Variants in PFKFB3 observed in about 807,000 individuals in gnomAD.
The protein encoded by PFKFB3 is 6-phosphofructo-2-kinase/fructose-2,6-bisphosphatase 3.
PFKFB3 carries 33 observed loss-of-function variants against 68.0 expected under a neutral mutation model. That is an observed-to-expected ratio of 0.49 (90% CI 0.37 to 0.65). PFKFB3 has a LOEUF of 0.65. Among genes scored for constraint, PFKFB3 ranks in the 30% least tolerant of loss-of-function variants. The pLI, the probability that PFKFB3 is intolerant of heterozygous loss-of-function variation, is 0.00. For synonymous variants in PFKFB3, 315 were observed against 288.2 expected (o/e 1.09, Z -0.94); for missense variants, 586 against 712.2 (o/e 0.82, Z 2.02).
At position 6,232,905 on chromosome 10, in the gene PFKFB3, G is replaced by T. The variant is rs35413228; in HGVS notation, c.1526G>T (p.Gly509Val). ...PTQLPGQNMK[G>V]SRSSADSSRK... ...TTCTCCTGAAAACAGAACATGAAAG[G>T]CTCCCGGAGCAGCGCTGACTCCTCC... is the stretch of plus-strand genomic sequence containing the variant. Residue 509 changes from glycine to valine, a missense_variant, in exon 15 of 15, where the codon GGC (glycine) becomes GTC (valine). Gly to Val is a moderately radical substitution (Grantham distance 109). Coordinates refer to ENST00000379775, the MANE Select transcript of PFKFB3 (RefSeq NM_004566.4). 5.3e-5 allele frequency: 85 copies of T among 1,613,072 alleles called. No homozygotes were observed. The East Asian group carries it at 1.9e-3, about 36-fold the overall frequency.
chr10:6,203,139 C>G lies in PFKFB3; in HGVS notation c.-122C>G. Reference sequence around the variant, plus strand: ...ACGTTTCCCCTGGCAGCGCAGGAAACGCCCGGCCGCGCGCCGGCGCACGCC... The same window carrying G: ...ACGTTTCCCCTGGCAGCGCAGGAAAGGCCCGGCCGCGCGCCGGCGCACGCC... On this transcript the variant is annotated 5_prime_UTR_variant, in exon 1 of 15. Coordinates refer to ENST00000379775, the MANE Select transcript of PFKFB3 (RefSeq NM_004566.4). The G allele has an allele frequency of 2.0e-6, 3 of 1,493,782 alleles. No individual in the cohort carries two copies. The South Asian group carries it at 3.9e-5, about 19-fold the overall frequency. The allele number at this position is 1,493,782 out of a possible 1,614,324, so 92.5% of individuals were successfully genotyped here.
At chr10:6,200,393 G>A (rs1330312791), upstream of PFKFB3, among the ~76,000 whole-genome samples, 1 of 152,116 alleles carries the variant, frequency 6.6e-6, no homozygotes, top group Admixed American at 6.6e-5. Context: ...GGTGAAGATG[G>A]GGCATTAGCA....
chr10:6,176,980 G>A (rs759634059), intron 1 of PFKFB3, among the ~76,000 whole-genome samples: 2 of 152,230 alleles, frequency 1.3e-5, no homozygotes, highest in Non-Finnish European at 2.9e-5. Flanking sequence ...GCTCCAGGAT[G>A]TGGGTGGCAG....
chr10:6,320,625 A>C, the PFKFB3 span, among the ~76,000 whole-genome samples: 10 of 152,148 alleles, frequency 6.6e-5, no homozygotes, highest in South Asian at 2.1e-3. Context: ...AGGTCTCCCT[A>C]TGTTGCCCAG....
chr10:6,163,648 G>A (rs1377450013), intron 1 of PFKFB3, among the ~76,000 whole-genome samples: 1 of 152,036 alleles, frequency 6.6e-6, no homozygotes, highest in African/African-American at 2.4e-5. Flanking sequence ...AAGCCAGCTG[G>A]GTCCCGGGCC....
At chr10:6,207,281 T>A (rs1843847865) in intron 1 of PFKFB3, among the ~76,000 whole-genome samples, 2 of 152,016 alleles carry the variant, frequency 1.3e-5, no homozygotes, top group Non-Finnish European at 1.5e-5. Context: ...ACCAAAAAAA[T>A]ACGAAAACCA....
In PFKFB3 at chr10:6,232,921, T is replaced by C. The variant is rs749898309; in HGVS notation, c.1542T>C (p.Ala514=). 2.0e-5 allele frequency: 32 copies of C among 1,613,434 alleles called. No individual in the cohort carries two copies. The highest frequency in any genetic ancestry group is 3.3e-5 in the South Asian group (3 of 91,064). Residue 514 remains alanine (A), a synonymous_variant, in exon 15 of 15, where the codon GCT becomes GCC. Transcript: ENST00000379775. ...ACATGAAAGGCTCCCGGAGCAGCGC[T>C]GACTCCTCCAGGAAACACTGAGGCA... is the stretch of plus-strand genomic sequence containing the variant. ...GQNMKGSRSS[A]DSSRKH
chr10:6,203,225 GC>G lies in PFKFB3; in HGVS notation c.-32del. ...CTCTCCTGCCAGCGTCGGGATCTCG[GC>G]CCCGGGAGGCGGGCCGTCGGGCGCA... On this transcript the variant is annotated 5_prime_UTR_variant, in exon 1 of 15. Coordinates refer to ENST00000379775, the MANE Select transcript of PFKFB3 (RefSeq NM_004566.4). The G allele has an allele frequency of 6.2e-7, 1 of 1,600,234 alleles. No homozygotes were observed. The highest frequency in any genetic ancestry group is 1.1e-5 in the South Asian group (1 of 89,068).
chr10:6,229,080 CCTT>C lies in PFKFB3; in HGVS notation c.1515+2716_1515+2718del, dbSNP rs750703455. Reference sequence around the variant, plus strand: ...CCCGCCCCTTTATTTCCTGTTTGCTCCTTAAGTTACCTTAACTACTTTATGCAG... The same window carrying C: ...CCCGCCCCTTTATTTCCTGTTTGCTCAAGTTACCTTAACTACTTTATGCAG... On this transcript the variant is annotated intron_variant, in intron 14 of 14. Coordinates refer to ENST00000379775, the MANE Select transcript of PFKFB3 (RefSeq NM_004566.4). This position sits in a 1 kb window ranked among gnomAD's most constrained non-coding sequence, Gnocchi z 4.3. The C allele has an allele frequency of 1.7e-4, 88 of 527,790 alleles. No homozygotes were observed. The highest frequency in any genetic ancestry group is 1.8e-4 in the Admixed American group (9 of 50,706). The allele number at this position is 527,790 out of a possible 1,614,324, so 32.7% of individuals were successfully genotyped here.
In PFKFB3 at chr10:6,215,929, G is replaced by A. The variant is rs1042994536; in HGVS notation, c.300-196G>A. Among the ~76,000 whole-genome samples the A allele has an allele frequency of 6.6e-6, 1 of 152,190 alleles. No homozygotes were observed. Among genetic ancestry groups the A allele is most frequent in the Admixed American group, 6.5e-5 (1 of 15,290 alleles). ...CCGGTTTGAGCACCGCCTCCCGAGG[G>A]TTCCTGAGGCCACCCGTGTGGGGCC... On this transcript the variant is annotated intron_variant, in intron 3 of 14. Coordinates refer to ENST00000379775, the MANE Select transcript of PFKFB3 (RefSeq NM_004566.4). This position sits in a 1 kb window ranked among gnomAD's most constrained non-coding sequence, Gnocchi z 4.3.
chr10:6,201,702 G>A (rs543763562), upstream of PFKFB3, among the ~76,000 whole-genome samples: 61 of 152,276 alleles, frequency 4.0e-4, no homozygotes, highest in Non-Finnish European at 6.5e-4. This position sits in a 1 kb window ranked among gnomAD's most constrained non-coding sequence, Gnocchi z 4.1. Context: ...AGGTTTCAGC[G>A]AGCGCCGCCT....
At chr10:6,299,463 C>G in the PFKFB3 span, among the ~76,000 whole-genome samples, 4 of 152,176 alleles carry the variant, frequency 2.6e-5, no homozygotes, top group African/African-American at 9.7e-5. Flanking sequence ...TTGCAGGTAG[C>G]ATGGCTGAGT....
rs369059195 is a variant in PFKFB3, at chr10:6,216,091, C to T, written c.300-34C>T. 67 of 1,599,944 alleles carry T rather than the reference C, an allele frequency of 4.2e-5. 1 individual carries two copies. Among genetic ancestry groups the T allele is most frequent in the African/African-American group, 2.5e-4 (19 of 74,820 alleles). Reference sequence around the variant, plus strand: ...TGGGCTGCCCCAGCGGATGCACCGGCGCTGACATTCGGGCAATGTCTTGTG... The same window carrying T: ...TGGGCTGCCCCAGCGGATGCACCGGTGCTGACATTCGGGCAATGTCTTGTG... On this transcript the variant is annotated intron_variant, in intron 3 of 14. Coordinates refer to ENST00000379775, the MANE Select transcript of PFKFB3 (RefSeq NM_004566.4).
chr10:6,261,543 G>C, the PFKFB3 span, among the ~76,000 whole-genome samples: 1 of 152,222 alleles, frequency 6.6e-6, no homozygotes, highest in Non-Finnish European at 1.5e-5. Flanking sequence ...AGGAGAGTGG[G>C]AGGAGGGAAA....
At chr10:6,148,148 CTCCA>C (rs1233450347) in intron 1 of PFKFB3, among the ~76,000 whole-genome samples, 1 of 152,234 alleles carries the variant, frequency 6.6e-6, no homozygotes, top group Non-Finnish European at 1.5e-5. Flanking sequence ...CTCCTGTGCT[CTCCA>C]GCAAGTGCCA....
At chr10:6,236,065 C>T (rs1338477944), downstream of PFKFB3, among the ~76,000 whole-genome samples, 9 of 152,180 alleles carry the variant, frequency 5.9e-5, no homozygotes, top group Admixed American at 5.2e-4. Context: ...CTGTGCCTGG[C>T]CCCACGTCGG....
In PFKFB3 at chr10:6,203,000, A is replaced by AT; in HGVS notation, c.-260dup. The AT allele has an allele frequency of 7.5e-7, 1 of 1,324,542 alleles. No individual in the cohort carries two copies. The highest frequency in any genetic ancestry group is 9.6e-7 in the Non-Finnish European group (1 of 1,040,346). The allele number at this position is 1,324,542 out of a possible 1,614,324, so 82.0% of individuals were successfully genotyped here. On this transcript the variant is annotated 5_prime_UTR_variant, in exon 1 of 15. Coordinates refer to ENST00000379775, the MANE Select transcript of PFKFB3 (RefSeq NM_004566.4). Reference sequence around the variant, plus strand: ...AGCGCGGCTGTCACTGCGCCCGAGCATCCCAGAGCTTTCCGAGCGGACGAG... The same window carrying AT: ...AGCGCGGCTGTCACTGCGCCCGAGCATTCCCAGAGCTTTCCGAGCGGACGAG...
chr10:6,326,220 G>T, the PFKFB3 span, among the ~76,000 whole-genome samples: 1 of 152,140 alleles, frequency 6.6e-6, no homozygotes, highest in South Asian at 2.1e-4. Flanking sequence ...ACTCATAAGT[G>T]GGAGCTGAAA....
At chr10:6,308,324 C>A in the PFKFB3 span, among the ~76,000 whole-genome samples, 1 of 152,126 alleles carries the variant, frequency 6.6e-6, no homozygotes, top group East Asian at 1.9e-4. Context: ...ACCAGCCTGG[C>A]CAACATGGCA....
Sources: gnomAD v4.1 joint callset for allele counts (sites outside exome capture counted in the v4.1 genomes callset) on GRCh38, gnomAD v4.1.1 for gene constraint, Gnocchi (gnomAD v3.1) non-coding constraint, MANE v1.5 for transcripts, NCBI Gene and HGNC (gene_info 2026-07-23, HGNC 2026-07-21) for gene names.